The following DGKD variants were observed in gnomAD, a reference collection of about 807,000 sequenced individuals.
DGKD encodes the protein DAG kinase delta.
A neutral mutation model predicts 154.4 loss-of-function variants in DGKD; 68 were observed. The observed-to-expected ratio is 0.44, with a 90% CI of 0.36 to 0.54. The LOEUF is 0.54. Ranked by LOEUF, DGKD falls within the 20% of genes least tolerant of loss-of-function variation. The pLI is 0.00. For missense variants in DGKD, 1,343 were observed against 1,593.6 expected (o/e 0.84, Z 2.68); for synonymous variants, 693 against 638.0 (o/e 1.09, Z -1.30).
At chr2:233,420,740 G>A (rs945162743) in intron 3 of DGKD, among the ~76,000 whole-genome samples, 5 of 152,220 alleles carry the variant, frequency 3.3e-5, no homozygotes, top group African/African-American at 7.2e-5. Context: ...TCTGGGGAAC[G>A]AGGCATGAAC....
chr2:233,417,701 T>C (rs978624518), intron 3 of DGKD, among the ~76,000 whole-genome samples: 1 of 152,232 alleles, frequency 6.6e-6, no homozygotes, highest in Non-Finnish European at 1.5e-5. Flanking sequence ...AAAAGTCTTA[T>C]CACTGAGATT....
chr2:233,469,391 G>A lies in DGKD; in HGVS notation c.3576G>A (p.Val1192=). Residue 1192 remains valine (V), a synonymous_variant, in exon 30 of 30, where the codon GTG becomes GTA. Coordinates refer to ENST00000264057, the MANE Select transcript of DGKD (RefSeq NM_152879.3). ...RDLKDLGVTK[V]GHMKRILCGI... is the part of the protein sequence containing the mutation. Reference sequence around the variant, plus strand: ...TGCAGGACCTGGGCGTGACCAAGGTGGGCCACATGAAGAGGATCCTGTGTG... The same window carrying A: ...TGCAGGACCTGGGCGTGACCAAGGTAGGCCACATGAAGAGGATCCTGTGTG... 1 of 1,612,208 alleles carries A rather than the reference G, an allele frequency of 6.2e-7. No individual in the cohort carries two copies. Among genetic ancestry groups the A allele is most frequent in the Middle Eastern group, 1.7e-4 (1 of 5,968 alleles).
Position 233,438,762 on chromosome 2 carries a change from CTAT to C in DGKD, c.1085+384_1085+386del, listed in dbSNP as rs2062790995. Reference sequence around the variant, plus strand: ...ATTTATCTGTCTATCTATCATCTATCTATCTATCTATCTATCTATCTATCTATC... The same window carrying C: ...ATTTATCTGTCTATCTATCATCTATCCTATCTATCTATCTATCTATCTATC... On this transcript the variant is annotated intron_variant, in intron 9 of 29. Transcript: ENST00000264057. The surrounding 1 kb of genome is among the most constrained non-coding windows in gnomAD (Gnocchi z 4.1). Among the ~76,000 whole-genome samples, 1 of 88,250 alleles carries C rather than the reference CTAT, an allele frequency of 1.1e-5. No homozygotes were observed. Among genetic ancestry groups the C allele is most frequent in the African/African-American group, 3.4e-5 (1 of 29,018 alleles). The allele number at this position is 88,250 out of a possible 152,430, so 57.9% of individuals were successfully genotyped here.
Position 233,441,938 on chromosome 2 carries a change from G to T in DGKD, c.1137G>T (p.Gly379=). 1 of 1,613,336 alleles carries T rather than the reference G, an allele frequency of 6.2e-7. No homozygotes were observed. Among genetic ancestry groups the T allele is most frequent in the Non-Finnish European group, 8.5e-7 (1 of 1,179,488 alleles). The part of the protein sequence containing the change: ...FDTFRILVCG[G]DGSVGWVLSE... Reference sequence around the variant, plus strand: ...CATTCCGGATTCTGGTTTGTGGCGGGGATGGAAGTGTTGGCTGGGTCCTCT... The same window carrying T: ...CATTCCGGATTCTGGTTTGTGGCGGTGATGGAAGTGTTGGCTGGGTCCTCT... Residue 379 remains glycine, a synonymous_variant, in exon 10 of 30, where the codon GGG becomes GGT. Transcript: ENST00000264057. The surrounding 1 kb of genome is among the most constrained non-coding windows in gnomAD (Gnocchi z 5.6).
Position 233,449,078 on chromosome 2 carries a change from C to T in DGKD, c.1615-25C>T. 1 of 1,569,094 alleles carries T rather than the reference C, an allele frequency of 6.4e-7. No individual in the cohort carries two copies. Among genetic ancestry groups the T allele is most frequent in the Non-Finnish European group, 8.7e-7 (1 of 1,149,798 alleles). Reference sequence around the variant, plus strand: ...ACCCTGTTCTCCTGCCTCAGCTCTGCATGCCATTTCCTTTCCTTGTTCAGT... The same window carrying T: ...ACCCTGTTCTCCTGCCTCAGCTCTGTATGCCATTTCCTTTCCTTGTTCAGT... On this transcript the variant is annotated intron_variant, in intron 14 of 29. Transcript: ENST00000264057. The surrounding 1 kb of genome is among the most constrained non-coding windows in gnomAD (Gnocchi z 5.3).
chr2:233,449,936 T>C lies in DGKD; in HGVS notation c.1889-46T>C. The C allele has an allele frequency of 1.3e-6, 2 of 1,529,464 alleles. No homozygotes were observed. Among genetic ancestry groups the C allele is most frequent in the Non-Finnish European group, 1.8e-6 (2 of 1,135,976 alleles). The allele number at this position is 1,529,464 out of a possible 1,614,324, so 94.7% of individuals were successfully genotyped here. A position where few individuals can be genotyped will look rare whatever the true frequency, so the allele number is the denominator to read the frequency against. ...CCTCCACCCAGCCTGACAGCGCCCT[T>C]GGCTTTGCACCCGCGTGCTCAGCCG... On this transcript the variant is annotated intron_variant, in intron 15 of 29. Coordinates refer to ENST00000264057, the MANE Select transcript of DGKD (RefSeq NM_152879.3). This position sits in a 1 kb window ranked among gnomAD's most constrained non-coding sequence, Gnocchi z 5.3.
At position 233,397,752 on chromosome 2, in the gene DGKD, G is replaced by A. The variant is rs2061454656; in HGVS notation, c.348+7269G>A. Among the ~76,000 whole-genome samples, 8 of 152,230 alleles carry A rather than the reference G, an allele frequency of 5.3e-5. No individual in the cohort carries two copies. The South Asian group carries it at 1.7e-3, about 32-fold the overall frequency. ...GGGTGGAGGGTGAACTGGAAGGGGA[G>A]GGAGGTTTGTAGGATTGTTAGGAGA... On this transcript the variant is annotated intron_variant, in intron 3 of 29. Coordinates refer to ENST00000264057, the MANE Select transcript of DGKD (RefSeq NM_152879.3).
At chr2:233,462,064 C>G (rs986956895) in intron 24 of DGKD, among the ~76,000 whole-genome samples, 31 of 152,226 alleles carry the variant, frequency 2.0e-4, no homozygotes, top group African/African-American at 7.2e-4. Context: ...GCCCACTGGC[C>G]GTTTTACAGG....
In DGKD at chr2:233,469,693, T is replaced by G; in HGVS notation, c.*233T>G. 3.7e-6 allele frequency: 2 copies of G among 537,304 alleles called. No individual in the cohort carries two copies. The highest frequency in any genetic ancestry group is 4.6e-5 in the South Asian group (2 of 43,380). The allele number at this position is 537,304 out of a possible 1,614,324, so 33.3% of individuals were successfully genotyped here. On this transcript the variant is annotated 3_prime_UTR_variant, in exon 30 of 30. Coordinates refer to ENST00000264057, the MANE Select transcript of DGKD (RefSeq NM_152879.3). ...ACACAGCTACCTTTGAAACAACACTTTCTCCAGCTCAGAGTCACCTGGGGC... is the reference window on the plus strand; with the variant it reads ...ACACAGCTACCTTTGAAACAACACTGTCTCCAGCTCAGAGTCACCTGGGGC...
chr2:233,428,831 C>T (rs976541521), intron 3 of DGKD, among the ~76,000 whole-genome samples: 1 of 152,150 alleles, frequency 6.6e-6, no homozygotes, highest in Non-Finnish European at 1.5e-5. Context: ...GGGTCTCTCT[C>T]AGGCTTCTTC....
chr2:233,430,376 C>T (rs2062468629), intron 3 of DGKD, among the ~76,000 whole-genome samples: 1 of 152,164 alleles, frequency 6.6e-6, no homozygotes, highest in African/African-American at 2.4e-5. Context: ...CAGTGGAGTA[C>T]TGTGCCACTG....
intron 3 of DGKD, among the ~76,000 whole-genome samples, chr2:233,427,375 C>G (rs1237020760): frequency 1.5e-5 from 2 of 132,594 alleles, no homozygotes; most frequent in African/African-American, 2.9e-5. Flanking sequence ...GGGTCTCACT[C>G]TGTCACCCAG....
chr2:233,447,666 G>C (rs1361511786), intron 12 of DGKD: 1 of 1,025,206 alleles, frequency 9.8e-7, no homozygotes, highest in Non-Finnish European at 1.2e-6. Flanking sequence ...CTGACAGCCA[G>C]AACAGATGGT....
chr2:233,417,221 T>C (rs1201196142), intron 3 of DGKD, among the ~76,000 whole-genome samples: 3 of 151,984 alleles, frequency 2.0e-5, no homozygotes, highest in Non-Finnish European at 4.4e-5. Context: ...TTAGTAGAGA[T>C]GGGATTTCAC....
intron 10 of DGKD, among the ~76,000 whole-genome samples, chr2:233,443,795 C>T (rs2062974858): frequency 6.6e-6 from 1 of 152,232 alleles, no homozygotes; most frequent in Admixed American, 6.5e-5. Context: ...TTCACTGTCA[C>T]TAGTTAGGAA....
chr2:233,375,434 G>A (rs1337472487), intron 1 of DGKD, among the ~76,000 whole-genome samples: 1 of 152,198 alleles, frequency 6.6e-6, no homozygotes. Context: ...AGTCTGCCAT[G>A]AGTTGGGCCA....
chr2:233,438,973 G>C lies in DGKD; in HGVS notation c.1085+594G>C, dbSNP rs192404555. ...CAAGGCAGGAACACGTAAGGGCGGCGTTGGGCCAGAGCGATTTCCACTGTG... is the reference window on the plus strand; with the variant it reads ...CAAGGCAGGAACACGTAAGGGCGGCCTTGGGCCAGAGCGATTTCCACTGTG... On this transcript the variant is annotated intron_variant, in intron 9 of 29. Coordinates refer to ENST00000264057, the MANE Select transcript of DGKD (RefSeq NM_152879.3). The surrounding 1 kb of genome is among the most constrained non-coding windows in gnomAD (Gnocchi z 4.1). Among the ~76,000 whole-genome samples, 1 of 152,254 alleles carries C rather than the reference G, an allele frequency of 6.6e-6. No individual in the cohort carries two copies. The highest frequency in any genetic ancestry group is 2.4e-5 in the African/African-American group (1 of 41,466).
At chr2:233,424,649 G>T (rs2062230600) in intron 3 of DGKD, among the ~76,000 whole-genome samples, 1 of 152,202 alleles carries the variant, frequency 6.6e-6, no homozygotes, top group Non-Finnish European at 1.5e-5. Context: ...AGAGGCTGCG[G>T]GATGGAGGTC....
At chr2:233,467,250 G>T (rs1374588151) in intron 28 of DGKD, 47 bp downstream of exon 28, 1 of 1,356,404 alleles carries the variant, frequency 7.4e-7, no homozygotes, top group South Asian at 1.2e-5. Flanking sequence ...CACGCCTGCT[G>T]GATCGGCCCC....
Sources: allele counts gnomAD v4.1 joint callset (sites outside exome capture counted in the v4.1 genomes callset), GRCh38; gene constraint gnomAD v4.1.1; non-coding constraint Gnocchi (gnomAD v3.1); transcripts MANE v1.5; gene names NCBI Gene and HGNC (gene_info 2026-07-23, HGNC 2026-07-21).